The following AP1G1 variants were observed in gnomAD, a reference collection of about 807,000 sequenced individuals.
AP1G1 encodes the protein AP-1 complex subunit gamma-1.
Under a neutral mutation model 108.3 loss-of-function variants are expected in AP1G1, and 7 were observed. The observed-to-expected ratio is 0.06, with a 90% CI of 0.04 to 0.12. The LOEUF (loss-of-function observed/expected upper bound fraction) is 0.12, where lower values mean the gene tolerates loss of function less well. Ranked by LOEUF, AP1G1 falls within the 10% of genes least tolerant of loss-of-function variation. The pLI, the probability that AP1G1 is intolerant of heterozygous loss-of-function variation, is 1.00. For missense variants in AP1G1, 756 were observed against 1,010.7 expected, an observed-to-expected ratio of 0.75 and a Z score of 3.42; for synonymous variants, 379 against 353.5, an observed-to-expected ratio of 1.07 and a Z score of -0.81.
intron 1 of AP1G1, among the ~76,000 whole-genome samples, chr16:71,792,920 C>G (rs147860842): frequency 1.3e-5 from 2 of 152,190 alleles, no homozygotes; most frequent in East Asian, 3.9e-4. Flanking sequence ...GCAATCACAG[C>G]ACTTTGGGAC....
chr16:71,787,515 G>A (rs1205257120), intron 2 of AP1G1, among the ~76,000 whole-genome samples: 1 of 152,088 alleles, frequency 6.6e-6, no homozygotes, highest in Non-Finnish European at 1.5e-5. Flanking sequence ...TGCTCTTAAA[G>A]AACTTCCTTG....
intron 19 of AP1G1, among the ~76,000 whole-genome samples, chr16:71,743,958 A>G (rs2145424824): frequency 7.1e-6 from 1 of 140,580 alleles, no homozygotes; most frequent in Non-Finnish European, 1.5e-5. Flanking sequence ...AAAAAAAAAA[A>G]AAAAGGCCAG....
intron 6 of AP1G1, chr16:71,767,886 C>G (rs2031378892): frequency 1.3e-6 from 2 of 1,599,140 alleles, no homozygotes; most frequent in Non-Finnish European, 8.5e-7. Context: ...CCTTTTCATT[C>G]TAACATACAG....
At chr16:71,771,950 C>T (rs1415542731) in intron 4 of AP1G1, among the ~76,000 whole-genome samples, 1 of 152,062 alleles carries the variant, frequency 6.6e-6, no homozygotes, top group Non-Finnish European at 1.5e-5. Context: ...GATGGTTTTA[C>T]TAGCTTGTTC....
intron 2 of AP1G1, among the ~76,000 whole-genome samples, chr16:71,783,011 T>C (rs1459941376): frequency 3.3e-5 from 5 of 152,184 alleles, no homozygotes; most frequent in Non-Finnish European, 5.9e-5. Flanking sequence ...GGCTTAAGGA[T>C]AGCTCATTGC....
At chr16:71,797,623 AC>A (rs757792549) in intron 1 of AP1G1, among the ~76,000 whole-genome samples, 5 of 152,018 alleles carry the variant, frequency 3.3e-5, no homozygotes, top group Non-Finnish European at 7.4e-5. Flanking sequence ...ACATAGTGAA[AC>A]CCCATCTCTA....
chr16:71,785,906 T>C (rs2032187537), intron 2 of AP1G1, among the ~76,000 whole-genome samples: 1 of 152,034 alleles, frequency 6.6e-6, no homozygotes, highest in African/African-American at 2.4e-5. Context: ...GTGGCTATTA[T>C]TATACACTAA....
chr16:71,786,202 T>A (rs150668969), intron 2 of AP1G1, among the ~76,000 whole-genome samples: 3 of 152,184 alleles, frequency 2.0e-5, no homozygotes, highest in Non-Finnish European at 4.4e-5. Context: ...TACCCCCAAA[T>A]GCCACCTAAC....
chr16:71,785,575 CAA>C (rs71389702), intron 2 of AP1G1, among the ~76,000 whole-genome samples: 200 of 73,108 alleles, frequency 2.7e-3, no homozygotes, highest in Middle Eastern at 0.02. Context: ...AACCCTGCCT[CAA>C]AAAAAAAAAA....
chr16:71,790,019 T>C lies in AP1G1; in HGVS notation c.-3-537A>G, dbSNP rs2032339277. Among the ~76,000 whole-genome samples the C allele has an allele frequency of 3.9e-5, 6 of 152,138 alleles. No individual in the cohort carries two copies. The South Asian group carries it at 1.2e-3, about 32-fold the overall frequency. On this transcript the variant is annotated intron_variant, in intron 1 of 22. Transcript: ENST00000299980. ...TGTAACCATCCCAGTACACTGTGTG[T>C]ATACTTTGAAAATGTGATGAGAAAA...
intron 16 of AP1G1, among the ~76,000 whole-genome samples, chr16:71,747,646 T>C (rs985907831): frequency 2.6e-5 from 4 of 151,456 alleles, no homozygotes; most frequent in African/African-American, 4.9e-5. Context: ...GATTCTCAAC[T>C]TAAAAAGAAA....
intron 1 of AP1G1, among the ~76,000 whole-genome samples, chr16:71,789,956 A>C (rs937894880): frequency 6.6e-6 from 1 of 152,244 alleles, no homozygotes; most frequent in Non-Finnish European, 1.5e-5. Flanking sequence ...AGATTAAGAG[A>C]GAAGACCAAT....
At chr16:71,759,587 C>A (rs886704789) in intron 10 of AP1G1, among the ~76,000 whole-genome samples, 1 of 151,934 alleles carries the variant, frequency 6.6e-6, no homozygotes, top group Non-Finnish European at 1.5e-5. Context: ...GGTGAAACCA[C>A]GTCTCTACTA....
At chr16:71,802,998 T>C (rs1378949069) in intron 1 of AP1G1, among the ~76,000 whole-genome samples, 2 of 152,134 alleles carry the variant, frequency 1.3e-5, no homozygotes, top group Admixed American at 1.3e-4. Context: ...GTGAATCACC[T>C]GAGGTCAGGA....
chr16:71,730,147 AG>A lies in AP1G1; in HGVS notation c.*2910del, dbSNP rs1425067959. The A allele has an allele frequency of 6.6e-6, 1 of 152,668 alleles. No individual in the cohort carries two copies. Among genetic ancestry groups the A allele is most frequent in the Non-Finnish European group, 1.5e-5 (1 of 68,056 alleles). 9.5% of individuals were successfully genotyped at this position (152,668 alleles called of 1,614,324 possible). A position where few individuals can be genotyped will look rare whatever the true frequency, so the allele number is the denominator to read the frequency against. Reference sequence around the variant, plus strand: ...AAATGATAAAGACCTTAAAATTAACAGATGATCACTATGCACAGCCTAAAAC... The same window carrying A: ...AAATGATAAAGACCTTAAAATTAACAATGATCACTATGCACAGCCTAAAAC... On this transcript the variant is annotated 3_prime_UTR_variant, in exon 23 of 23. Coordinates refer to ENST00000299980, the MANE Select transcript of AP1G1 (RefSeq NM_001128.6).
At chr16:71,755,774 T>C (rs184344007) in intron 12 of AP1G1, among the ~76,000 whole-genome samples, 191 of 152,042 alleles carry the variant, frequency 1.3e-3, no homozygotes, top group African/African-American at 4.1e-3. Context: ...GCCTGCCGAG[T>C]AGCTGGGACT....
intron 1 of AP1G1, among the ~76,000 whole-genome samples, chr16:71,790,078 T>G (rs1424910635): frequency 4.2e-5 from 6 of 142,308 alleles, no homozygotes; most frequent in Non-Finnish European, 4.5e-5. Context: ...AGGCTATTAG[T>G]GTCATGAATA....
At chr16:71,796,057 C>T (rs374072861) in intron 1 of AP1G1, among the ~76,000 whole-genome samples, 1 of 152,012 alleles carries the variant, frequency 6.6e-6, no homozygotes, top group Non-Finnish European at 1.5e-5. Context: ...AGCAACATGG[C>T]GACACCCAGT....
At chr16:71,763,740 ATAT>A (rs1357070565) in intron 9 of AP1G1, among the ~76,000 whole-genome samples, 1 of 152,210 alleles carries the variant, frequency 6.6e-6, no homozygotes, top group Non-Finnish European at 1.5e-5. Flanking sequence ...CTGTACACAA[ATAT>A]TATACTCTAG....
Sources: gnomAD v4.1 joint callset for allele counts (sites outside exome capture counted in the v4.1 genomes callset) on GRCh38, gnomAD v4.1.1 for gene constraint, MANE v1.5 for transcripts, NCBI Gene and HGNC (gene_info 2026-07-23, HGNC 2026-07-21) for gene names.